Variants in FAM222A observed in about 807,000 individuals in gnomAD.
FAM222A encodes family with sequence similarity 222 member A.
In FAM222A, 7 loss-of-function variants were observed where a neutral mutation model predicts 25.8. That is an observed-to-expected ratio of 0.27 (90% CI 0.15 to 0.51). The LOEUF (loss-of-function observed/expected upper bound fraction) is 0.51. Among genes scored for constraint, FAM222A ranks in the 20% least tolerant of loss-of-function variants. The pLI, the probability that FAM222A is intolerant of heterozygous loss-of-function variation, is 0.97. For missense variants in FAM222A, 573 were observed against 640.5 expected (o/e 0.89, Z 1.14); for synonymous variants, 294 against 298.8 (o/e 0.98, Z 0.17).
chr12:109,752,926 G>A (rs1351470813), intron 2 of FAM222A, among the ~76,000 whole-genome samples: 5 of 152,150 alleles, frequency 3.3e-5, no homozygotes, highest in South Asian at 2.1e-4. Flanking sequence ...GAGTTGGGGC[G>A]GCAGGCTGTC....
At chr12:109,747,997 T>A (rs1056666028) in intron 2 of FAM222A, among the ~76,000 whole-genome samples, 5 of 152,230 alleles carry the variant, frequency 3.3e-5, no homozygotes, top group Non-Finnish European at 7.3e-5. Context: ...GATTTCCCCA[T>A]TAAGCAAATG....
chr12:109,740,255 T>C (rs1322781643), intron 1 of FAM222A, among the ~76,000 whole-genome samples: 1 of 152,206 alleles, frequency 6.6e-6, no homozygotes, highest in Non-Finnish European at 1.5e-5. Flanking sequence ...GGGGGCGTTA[T>C]CTGGTGGAGG....
At chr12:109,743,141 C>T (rs1888290331) in intron 1 of FAM222A, among the ~76,000 whole-genome samples, 1 of 152,124 alleles carries the variant, frequency 6.6e-6, no homozygotes, top group African/African-American at 2.4e-5. Flanking sequence ...ACCCTGAGAC[C>T]TGCCTTCTCC....
chr12:109,736,815 C>T (rs768207937), intron 1 of FAM222A, among the ~76,000 whole-genome samples: 3 of 152,160 alleles, frequency 2.0e-5, no homozygotes, highest in Admixed American at 6.5e-5. Flanking sequence ...AGGGCTCTTG[C>T]GCCGGGAGCT....
chr12:109,767,366 A>G (rs374998535), intron 2 of FAM222A, among the ~76,000 whole-genome samples: 137 of 152,238 alleles, frequency 9.0e-4, no homozygotes, highest in South Asian at 4.1e-3. Flanking sequence ...CGTCTCTGCA[A>G]AAAATACAAA....
chr12:109,741,711 A>C (rs1592787218), intron 1 of FAM222A, among the ~76,000 whole-genome samples: 2 of 152,224 alleles, frequency 1.3e-5, no homozygotes, highest in African/African-American at 4.8e-5. Context: ...GGAGGTACCC[A>C]CAGGGATCAT....
chr12:109,719,185 C>A (rs1323527948), intron 1 of FAM222A, among the ~76,000 whole-genome samples: 1 of 152,220 alleles, frequency 6.6e-6, no homozygotes, highest in Non-Finnish European at 1.5e-5. Flanking sequence ...TACAGGTCAC[C>A]AGACTAGTAC....
chr12:109,747,867 T>G (rs1329297612), intron 2 of FAM222A, among the ~76,000 whole-genome samples: 1 of 152,246 alleles, frequency 6.6e-6, no homozygotes, highest in Non-Finnish European at 1.5e-5. Flanking sequence ...AATGATAAAT[T>G]TACCCCCTAT....
chr12:109,730,604 C>T (rs1467676527), intron 1 of FAM222A, among the ~76,000 whole-genome samples: 3 of 152,180 alleles, frequency 2.0e-5, no homozygotes, highest in African/African-American at 7.2e-5. Context: ...CTTCTCTGGG[C>T]CCCCTGAAGC....
chr12:109,736,748 A>G (rs1888097341), intron 1 of FAM222A, among the ~76,000 whole-genome samples: 1 of 152,144 alleles, frequency 6.6e-6, no homozygotes, highest in Admixed American at 6.5e-5. Context: ...CGCAGTTGTC[A>G]GTTCCCATGG....
chr12:109,767,972 G>C (rs1196277484), intron 2 of FAM222A, 40 bp from the exon 3 acceptor site: 2 of 1,587,382 alleles, frequency 1.3e-6, no homozygotes, highest in Non-Finnish European at 8.6e-7. Flanking sequence ...AGGTTGGCAT[G>C]GCCTCCTGAT....
chr12:109,751,052 G>C (rs568319733), intron 2 of FAM222A, among the ~76,000 whole-genome samples: 2 of 151,954 alleles, frequency 1.3e-5, no homozygotes, highest in Non-Finnish European at 2.9e-5. Context: ...TCCTTCCTTG[G>C]GGACTCCAGT....
chr12:109,742,346 A>G (rs4766627), intron 1 of FAM222A, among the ~76,000 whole-genome samples: 122,235 of 152,280 alleles, frequency 0.8, 49,276 homozygotes, highest in Middle Eastern at 0.83. Context: ...ACCTGCTCAC[A>G]TTCCAAGTCC....
chr12:109,768,089 G>A lies in FAM222A; in HGVS notation c.160G>A (p.Ala54Thr), dbSNP rs752452384. 4 of 1,613,890 alleles carry A rather than the reference G, an allele frequency of 2.5e-6. No individual in the cohort carries two copies. The South Asian group carries it at 4.4e-5, about 18-fold the overall frequency. The change falls in exon 3 of 3, where the codon GCC becomes ACC. Residue 54 changes from alanine (A) to threonine (T), a missense_variant. Around this residue, in one of 3 missense-constraint regions of FAM222A, gnomAD observed 112 missense variants for 154.6 expected, o/e 0.72. Coordinates refer to ENST00000538780, the MANE Select transcript of FAM222A (RefSeq NM_032829.3). Reference protein sequence around the residue: ...AELDAYAEKVANSPLSIKIFP... With the variant: ...AELDAYAEKVTNSPLSIKIFP... ...ACTGGACGCCTATGCCGAGAAGGTG[G>A]CCAACAGCCCGCTGTCCATCAAGAT...
chr12:109,763,884 C>T (rs1888967444), intron 2 of FAM222A, among the ~76,000 whole-genome samples: 1 of 152,196 alleles, frequency 6.6e-6, no homozygotes, highest in Admixed American at 6.5e-5. Context: ...GGACCATCTC[C>T]CACCTCTAGG....
chr12:109,760,196 C>T (rs1357137718), intron 2 of FAM222A, among the ~76,000 whole-genome samples: 1 of 152,164 alleles, frequency 6.6e-6, no homozygotes, highest in Non-Finnish European at 1.5e-5. Context: ...CACATTTCAC[C>T]ACTTTGGATC....
Position 109,769,591 on chromosome 12 carries a change from A to C in FAM222A, c.*303A>C. The C allele has an allele frequency of 2.3e-6, 1 of 427,934 alleles. No individual in the cohort carries two copies. The highest frequency in any genetic ancestry group is 4.0e-5 in the East Asian group (1 of 24,728). 26.5% of individuals were successfully genotyped at this position (427,934 alleles called of 1,614,324 possible). A position where few individuals can be genotyped will look rare whatever the true frequency, so the allele number is the denominator to read the frequency against. On this transcript the variant is annotated 3_prime_UTR_variant, in exon 3 of 3. Transcript: ENST00000538780. ...GAGGCAGGGAGAGAGAAACCACTCA[A>C]AAACAGGAATGGTTCTTTCTGGGCC...
chr12:109,763,098 C>G (rs907685414), intron 2 of FAM222A, among the ~76,000 whole-genome samples: 1 of 152,180 alleles, frequency 6.6e-6, no homozygotes, highest in Non-Finnish European at 1.5e-5. Context: ...CTCTGTGGTC[C>G]CTTCTCAGGA....
intron 1 of FAM222A, among the ~76,000 whole-genome samples, chr12:109,737,781 C>A (rs1888125896): frequency 6.6e-6 from 1 of 152,162 alleles, no homozygotes; most frequent in Admixed American, 6.5e-5. Flanking sequence ...TCGCCTCCTC[C>A]ATGCTAATGT....
Sources: gnomAD v4.1 joint callset for allele counts (sites outside exome capture counted in the v4.1 genomes callset) on GRCh38, gnomAD v4.1.1 for gene constraint, gnomAD v4.1.1 regional missense constraint, MANE v1.5 for transcripts, NCBI Gene and HGNC (gene_info 2026-07-23, HGNC 2026-07-21) for gene names.